Variants in CDH19 observed in about 807,000 individuals in gnomAD.
CDH19 encodes cadherin 19.
Under a neutral mutation model 64.2 loss-of-function variants are expected in CDH19, and 67 were observed. The ratio of observed to expected loss-of-function variants is 1.04; its 90% confidence interval spans 0.86 to 1.28. The LOEUF is 1.28. Among genes scored for constraint, CDH19 ranks in the 50% most tolerant of loss-of-function variants. The pLI is 0.00. For synonymous variants in CDH19, 346 were observed against 319.3 expected, an observed-to-expected ratio of 1.08 and a Z score of -0.89; for missense variants, 1,030 against 929.0, an observed-to-expected ratio of 1.11 and a Z score of -1.41.
rs1986649585 is a variant in CDH19, at chr18:66,535,910, TA to T, written c.1215-804del. Among the ~76,000 whole-genome samples the T allele has an allele frequency of 2.0e-5, 3 of 147,202 alleles. No homozygotes were observed. The South Asian group carries it at 6.3e-4, about 31-fold the overall frequency. The stretch of plus-strand genomic sequence containing the variant: ...GTATTTATTTTATATTATATATTTT[TA>T]CATATAATATATATGTTTTATATAT... On this transcript the variant is annotated intron_variant, in intron 7 of 11. Transcript: ENST00000262150.
chr18:66,590,571 T>C (rs1191198655), intron 1 of CDH19, among the ~76,000 whole-genome samples: 3 of 151,892 alleles, frequency 2.0e-5, no homozygotes, highest in South Asian at 2.1e-4. Context: ...TTAACACTTA[T>C]TTATAGAACA....
At chr18:66,547,125 T>C (rs1050145010) in intron 5 of CDH19, among the ~76,000 whole-genome samples, 2 of 152,120 alleles carry the variant, frequency 1.3e-5, no homozygotes, top group African/African-American at 2.4e-5. Flanking sequence ...TGAGAGCCTA[T>C]TGCACTAATA....
At chr18:66,589,634 AG>A (rs1158726867) in intron 1 of CDH19, among the ~76,000 whole-genome samples, 1 of 151,378 alleles carries the variant, frequency 6.6e-6, no homozygotes, top group Non-Finnish European at 1.5e-5. Flanking sequence ...ATACTTAGTA[AG>A]CACCACTGCC....
intron 1 of CDH19, among the ~76,000 whole-genome samples, chr18:66,600,122 A>G (rs1329374174): frequency 1.3e-5 from 2 of 151,924 alleles, no homozygotes; most frequent in Admixed American, 6.6e-5. Flanking sequence ...ATGTAACAGC[A>G]TTTAGTATAA....
chr18:66,543,961 A>G lies in CDH19; in HGVS notation c.1214+10T>C. ...TATTTATTAATGCAAAACTGACCTT[A>G]CAGACATACCTGATAGGAGATTTCC... On this transcript the variant is annotated intron_variant, in intron 7 of 11. Transcript: ENST00000262150. 2 of 1,591,498 alleles carry G rather than the reference A, an allele frequency of 1.3e-6. No homozygotes were observed. Among genetic ancestry groups the G allele is most frequent in the Non-Finnish European group, 1.7e-6 (2 of 1,167,204 alleles).
chr18:66,584,950 C>T (rs1398052387), intron 1 of CDH19, among the ~76,000 whole-genome samples: 1 of 152,000 alleles, frequency 6.6e-6, no homozygotes, highest in East Asian at 1.9e-4. Flanking sequence ...ATAAACCTGT[C>T]TTTATTTTTA....
At chr18:66,544,633 T>C in intron 6 of CDH19, 86 bp downstream of exon 6, 1 of 833,936 alleles carries the variant, frequency 1.2e-6, no homozygotes, top group Non-Finnish European at 1.8e-6. Context: ...AATTATTTAA[T>C]GAGTTAAAAA....
intron 1 of CDH19, among the ~76,000 whole-genome samples, chr18:66,600,501 T>A (rs1031759859): frequency 5.9e-5 from 9 of 151,936 alleles, no homozygotes; most frequent in African/African-American, 1.9e-4. Context: ...AAGAATTGTA[T>A]GTTTTAAACA....
chr18:66,553,968 ATCTC>A, intron 4 of CDH19, among the ~76,000 whole-genome samples: 1 of 149,462 alleles, frequency 6.7e-6, no homozygotes. Flanking sequence ...CTCAGACTTA[ATCTC>A]AGTCATTCTG....
intron 9 of CDH19, among the ~76,000 whole-genome samples, chr18:66,523,544 T>A (rs971973879): frequency 1.4e-5 from 2 of 144,198 alleles, no homozygotes; most frequent in Non-Finnish European, 3.0e-5. Context: ...GGCTGGAGGA[T>A]AAATATGCAG....
chr18:66,590,061 T>C (rs1160177617), intron 1 of CDH19, among the ~76,000 whole-genome samples: 3 of 151,916 alleles, frequency 2.0e-5, no homozygotes, highest in Non-Finnish European at 4.4e-5. Flanking sequence ...TGTAGACAAA[T>C]AAGGGTTAGT....
chr18:66,546,777 A>G (rs1005383793), intron 5 of CDH19, among the ~76,000 whole-genome samples: 9 of 152,156 alleles, frequency 5.9e-5, no homozygotes, highest in African/African-American at 2.2e-4. Flanking sequence ...AAAGAAAATG[A>G]GTATCTGGGG....
intron 5 of CDH19, 113 bp from the exon 6 acceptor site, chr18:66,545,016 T>C: frequency 1.3e-6 from 1 of 774,564 alleles, no homozygotes; most frequent in Non-Finnish European, 1.9e-6. Context: ...TCTCATTCTG[T>C]CGCCCAGGCT....
chr18:66,543,564 A>G (rs1474274867), intron 7 of CDH19, among the ~76,000 whole-genome samples: 1 of 152,102 alleles, frequency 6.6e-6, no homozygotes, highest in East Asian at 1.9e-4. Context: ...ACATACAGAA[A>G]TATAGATACA....
Position 66,544,759 on chromosome 18 carries a change from G to T in CDH19, c.920C>A (p.Thr307Asn). The T allele has an allele frequency of 1.2e-6, 2 of 1,610,876 alleles. No homozygotes were observed. The highest frequency in any genetic ancestry group is 2.2e-5 in the South Asian group (2 of 90,738). ...EDDSQTFDII[T>N]NHETQEGIVI... ...TATTCCTTCTTGAGTTTCATGATTA[G>T]TAATAATGTCAAATGTTTGCGAATC... is the stretch of plus-strand genomic sequence containing the variant. The change falls in exon 6 of 12, where the codon ACT (threonine) becomes AAT (asparagine). Residue 307 changes from threonine (T) to asparagine (N), a missense_variant. Transcript: ENST00000262150.
chr18:66,544,695 G>A (rs1378891014), intron 6 of CDH19, 24 bp downstream of exon 6: 1 of 1,529,456 alleles, frequency 6.5e-7, no homozygotes, highest in South Asian at 1.2e-5. Context: ...TATTCTGCAA[G>A]GCAAATAATT....
chr18:66,577,976 A>G (rs1328967129), intron 1 of CDH19, among the ~76,000 whole-genome samples: 1 of 151,840 alleles, frequency 6.6e-6, no homozygotes, highest in Non-Finnish European at 1.5e-5. Context: ...CTATCTTCAC[A>G]TTGGCTTCTC....
chr18:66,563,363 A>G (rs896759583), intron 3 of CDH19, among the ~76,000 whole-genome samples: 3 of 152,036 alleles, frequency 2.0e-5, no homozygotes, highest in South Asian at 2.1e-4. Context: ...TTTTCTTACA[A>G]TGTAGATATA....
intron 1 of CDH19, among the ~76,000 whole-genome samples, chr18:66,603,515 C>T (rs1989088337): frequency 6.7e-6 from 1 of 149,512 alleles, no homozygotes; most frequent in African/African-American, 2.4e-5. Context: ...TATATTTTTT[C>T]TCATATACTT....
Sources: allele counts gnomAD v4.1 joint callset (sites outside exome capture counted in the v4.1 genomes callset), GRCh38; gene constraint gnomAD v4.1.1; transcripts MANE v1.5; gene names NCBI Gene and HGNC (gene_info 2026-07-23, HGNC 2026-07-21).